The following PCDHGA9 variants were observed in gnomAD, a reference collection of about 807,000 sequenced individuals.
PCDHGA9 encodes protocadherin gamma subfamily A, 9.
In PCDHGA9, 37 loss-of-function variants were observed where a neutral mutation model predicts 62.5. The ratio of observed to expected loss-of-function variants is 0.59; its 90% CI spans 0.46 to 0.78. The LOEUF (loss-of-function observed/expected upper bound fraction) is 0.78, where lower values mean the gene tolerates loss of function less well. PCDHGA9 is among the 30% of genes least tolerant of loss of function. The probability of loss-of-function intolerance (pLI) is 0.00; values close to 1 mark genes in which losing one functional copy is unlikely to be tolerated. For synonymous variants in PCDHGA9, 459 were observed against 484.6 expected (o/e 0.95, Z 0.69); for missense variants, 1,138 against 1,166.2 (o/e 0.98, Z 0.35).
intron 1 of PCDHGA9, chr5:141,423,465 G>T: frequency 6.2e-7 from 1 of 1,614,006 alleles, no homozygotes; most frequent in South Asian, 1.1e-5. Context: ...GCGTGGACGG[G>T]GTACAGGCTT....
At chr5:141,427,550 C>T (rs1310933864) in intron 1 of PCDHGA9, 1 of 643,730 alleles carries the variant, frequency 1.6e-6, no homozygotes, top group East Asian at 3.2e-5. Context: ...CCATCACTGC[C>T]ACTGACAAGG....
intron 1 of PCDHGA9, among the ~76,000 whole-genome samples, chr5:141,484,281 C>T (rs969039536): frequency 6.6e-6 from 1 of 152,202 alleles, no homozygotes; most frequent in Admixed American, 6.5e-5. Context: ...TGTTTTGAAA[C>T]ATCTCCCTCT....
At position 141,432,275 on chromosome 5, in the gene PCDHGA9, T is replaced by C. The variant is rs775413198; in HGVS notation, c.2424+26899T>C. 2 of 1,614,232 alleles carry C rather than the reference T, an allele frequency of 1.2e-6. No homozygotes were observed. Among genetic ancestry groups the C allele is most frequent in the South Asian group, 2.2e-5 (2 of 91,086 alleles). On this transcript the variant is annotated intron_variant, in intron 1 of 3. Coordinates refer to ENST00000573521, the MANE Select transcript of PCDHGA9 (RefSeq NM_018921.3). This position sits in a 1 kb window ranked among gnomAD's most constrained non-coding sequence, Gnocchi z 6.0. ...AGGGGCAAGCCTATCGTCCTACGTG[T>C]CCATCAACTCCGACACTGGGGTACT... is the stretch of plus-strand genomic sequence containing the variant.
At chr5:141,502,932 C>T (rs1039438031) in intron 2 of PCDHGA9, among the ~76,000 whole-genome samples, 2 of 143,766 alleles carry the variant, frequency 1.4e-5, no homozygotes, top group African/African-American at 5.3e-5. Context: ...CAACCTTCAC[C>T]TCCTGGGTTC....
At position 141,491,591 on chromosome 5, in the gene PCDHGA9, G is replaced by A. The variant is rs969259993; in HGVS notation, c.2425-3216G>A. 22 of 1,613,862 alleles carry A rather than the reference G, an allele frequency of 1.4e-5. No individual in the cohort carries two copies. The highest frequency in any genetic ancestry group is 1.8e-5 in the Non-Finnish European group (21 of 1,180,048). ...ACGTGCTTTTCACCGGCCTCGGACG[G>A]CAGTGACTTCACTTTTCTAAGACCC... On this transcript the variant is annotated intron_variant, in intron 1 of 3. Coordinates refer to ENST00000573521, the MANE Select transcript of PCDHGA9 (RefSeq NM_018921.3). This position sits in a 1 kb window ranked among gnomAD's most constrained non-coding sequence, Gnocchi z 6.9.
chr5:141,424,246 A>G (rs971050268), intron 1 of PCDHGA9: 2 of 154,772 alleles, frequency 1.3e-5, no homozygotes, highest in African/African-American at 4.8e-5. Context: ...GTGGCTGGTA[A>G]TATGCTTAGA....
At chr5:141,419,757 G>C in intron 1 of PCDHGA9, 1 of 1,613,994 alleles carries the variant, frequency 6.2e-7, no homozygotes, top group Non-Finnish European at 8.5e-7. Flanking sequence ...CGTGCTTTGG[G>C]TGACAAGGAC....
chr5:141,509,303 G>A (rs911736752), intron 3 of PCDHGA9, among the ~76,000 whole-genome samples: 1 of 152,210 alleles, frequency 6.6e-6, no homozygotes, highest in Admixed American at 6.5e-5. Context: ...GGAGGCAGAG[G>A]GAGGCTGGGA....
chr5:141,455,822 CCCCTTTTCCTGT>C (rs2098832641), intron 1 of PCDHGA9, among the ~76,000 whole-genome samples: 2 of 151,688 alleles, frequency 1.3e-5, no homozygotes, highest in African/African-American at 4.8e-5. Flanking sequence ...TTCCCAAGGA[CCCCTTTTCCTGT>C]CTATCTGCAT....
chr5:141,418,599 A>C, intron 1 of PCDHGA9: 2 of 1,614,054 alleles, frequency 1.2e-6, no homozygotes. Context: ...CAGGACGTGT[A>C]CAGGGTTAGC....
chr5:141,508,971 T>C (rs776443205), intron 3 of PCDHGA9, among the ~76,000 whole-genome samples: 14 of 152,004 alleles, frequency 9.2e-5, no homozygotes, highest in Non-Finnish European at 2.1e-4. Context: ...ATGAAAGGGC[T>C]GGGGGTGGGG....
Position 141,492,023 on chromosome 5 carries a change from C to G in PCDHGA9, c.2425-2784C>G, listed in dbSNP as rs536734764. 1.8e-4 allele frequency: 102 copies of G among 564,804 alleles called. 3 individuals carry two copies. In the South Asian group the frequency reaches 2.8e-3, roughly 15 times the overall value. The allele number at this position is 564,804 out of a possible 1,614,324, so 35.0% of individuals were successfully genotyped here. A position where few individuals can be genotyped will look rare whatever the true frequency, so the allele number is the denominator to read the frequency against. On this transcript the variant is annotated intron_variant, in intron 1 of 3. Coordinates refer to ENST00000573521, the MANE Select transcript of PCDHGA9 (RefSeq NM_018921.3). Reference sequence around the variant, plus strand: ...CGATTTCCGCGGGTGTCGGGGGTCCCGGGAGGAGGCAGTCACAGATCCACC... The same window carrying G: ...CGATTTCCGCGGGTGTCGGGGGTCCGGGGAGGAGGCAGTCACAGATCCACC...
Position 141,491,103 on chromosome 5 carries a change from G to C in PCDHGA9, c.2425-3704G>C. 1 of 1,614,162 alleles carries C rather than the reference G, an allele frequency of 6.2e-7. No individual in the cohort carries two copies. Among genetic ancestry groups the C allele is most frequent in the South Asian group, 1.1e-5 (1 of 91,082 alleles). On this transcript the variant is annotated intron_variant, in intron 1 of 3. Transcript: ENST00000573521. The surrounding 1 kb of genome is among the most constrained non-coding windows in gnomAD (Gnocchi z 6.9). ...CCACAGCCCCAGGACTGTTCCTCGT[G>C]TCTACACACACTGGTGAGGTGCGCA... is the stretch of plus-strand genomic sequence containing the variant.
In PCDHGA9 at chr5:141,403,838, GA is replaced by G. The variant is rs751575888; in HGVS notation, c.890del (p.Asn297IlefsTer11). On this transcript the variant is annotated frameshift_variant, in exon 1 of 4. Transcript: ENST00000573521. LOFTEE classifies it high-confidence loss of function. ...EKQSLLFQLN[E>X]NTGEISTAKS... ...ACAATCTCTGCTATTCCAGCTTAAT[GA>G]AAATACTGGGGAAATATCAACAGCA... The G allele has an allele frequency of 6.2e-7, 1 of 1,613,592 alleles. No individual in the cohort carries two copies. Among genetic ancestry groups the G allele is most frequent in the African/African-American group, 1.3e-5 (1 of 74,910 alleles).
intron 1 of PCDHGA9, among the ~76,000 whole-genome samples, chr5:141,484,796 C>A (rs987893041): frequency 1.3e-5 from 2 of 151,304 alleles, no homozygotes; most frequent in African/African-American, 4.9e-5. Flanking sequence ...GATAACAACC[C>A]GTGGAAAAAC....
At chr5:141,422,198 A>G (rs2096632774) in intron 1 of PCDHGA9, 1 of 1,562,340 alleles carries the variant, frequency 6.4e-7, no homozygotes, top group Non-Finnish European at 8.6e-7. Flanking sequence ...CAAGGCCAAG[A>G]TGGTGGAGGT....
At position 141,403,221 on chromosome 5, in the gene PCDHGA9, T is replaced by G. The variant is rs899056141; in HGVS notation, c.269T>G (p.Ile90Arg). ...GGCACCTTGGTCACCGCGGGTAGGATAGACCGGGAGGAGCTCTGTGCTCAG... is the reference window on the plus strand; with the variant it reads ...GGCACCTTGGTCACCGCGGGTAGGAGAGACCGGGAGGAGCTCTGTGCTCAG... ...RSGTLVTAGR[I>R]DREELCAQSP... Residue 90 changes from isoleucine (I) to arginine (R), a missense_variant, in exon 1 of 4, where the codon ATA becomes AGA. Transcript: ENST00000573521. 21 of 1,613,974 alleles carry G rather than the reference T, an allele frequency of 1.3e-5. No individual in the cohort carries two copies. Among genetic ancestry groups the G allele is most frequent in the Non-Finnish European group, 1.8e-5 (21 of 1,179,914 alleles).
In PCDHGA9 at chr5:141,486,341, C is replaced by T; in HGVS notation, c.2425-8466C>T. On this transcript the variant is annotated intron_variant, in intron 1 of 3. Coordinates refer to ENST00000573521, the MANE Select transcript of PCDHGA9 (RefSeq NM_018921.3). The surrounding 1 kb of genome is among the most constrained non-coding windows in gnomAD (Gnocchi z 5.0). ...AAACGGAGATGTGAGCCTCCGCATTCCTGACCACTTGCCATTTGCCCTCAA... is the reference window on the plus strand; with the variant it reads ...AAACGGAGATGTGAGCCTCCGCATTTCTGACCACTTGCCATTTGCCCTCAA... The T allele has an allele frequency of 6.2e-7, 1 of 1,614,128 alleles. No individual in the cohort carries two copies. Among genetic ancestry groups the T allele is most frequent in the Non-Finnish European group, 8.5e-7 (1 of 1,179,992 alleles).
intron 3 of PCDHGA9, among the ~76,000 whole-genome samples, chr5:141,508,930 T>A (rs2099873149): frequency 6.6e-6 from 1 of 151,836 alleles, no homozygotes; most frequent in African/African-American, 2.4e-5. Context: ...CTTTTGGAGT[T>A]AATTAGGGAA....
Sources: allele counts gnomAD v4.1 joint callset (sites outside exome capture counted in the v4.1 genomes callset), GRCh38; gene constraint gnomAD v4.1.1; non-coding constraint Gnocchi (gnomAD v3.1); transcripts MANE v1.5; gene names NCBI Gene and HGNC (gene_info 2026-07-23, HGNC 2026-07-21).